Variants in DAB1 observed in about 807,000 individuals in gnomAD.
The protein encoded by DAB1 is DAB adaptor protein 1.
Under a neutral mutation model 64.6 loss-of-function variants are expected in DAB1, and 15 were observed. The ratio of observed to expected loss-of-function variants is 0.23; its 90% CI spans 0.16 to 0.36. DAB1 has a LOEUF of 0.36. DAB1 is among the 10% of genes least tolerant of loss of function. The pLI is 1.00. For synonymous variants in DAB1, 235 were observed against 251.9 expected, an observed-to-expected ratio of 0.93 and a Z score of 0.64; for missense variants, 596 against 706.7, an observed-to-expected ratio of 0.84 and a Z score of 1.78.
At chr1:57,638,903 T>C (rs1291490578) in intron 7 of DAB1, among the ~76,000 whole-genome samples, 1 of 151,946 alleles carries the variant, frequency 6.6e-6, no homozygotes, top group East Asian at 1.9e-4. Flanking sequence ...AAGAGAGGGT[T>C]CTACAGATAA....
At chr1:57,867,929 G>A (rs1173318487) in intron 1 of DAB1, among the ~76,000 whole-genome samples, 1 of 152,250 alleles carries the variant, frequency 6.6e-6, no homozygotes, top group African/African-American at 2.4e-5. Context: ...ATGGCACGGG[G>A]TGTGCTTGAG....
At chr1:58,188,444 G>C (rs1040833413) in intron 4 of DAB1, among the ~76,000 whole-genome samples, 5 of 152,088 alleles carry the variant, frequency 3.3e-5, no homozygotes, top group Non-Finnish European at 7.3e-5. Context: ...GAAGTGACTG[G>C]GTATTCAGGT....
intron 5 of DAB1, among the ~76,000 whole-genome samples, chr1:58,115,037 A>G (rs1337338409): frequency 8.0e-5 from 12 of 150,756 alleles, no homozygotes; most frequent in Admixed American, 2.7e-4. Flanking sequence ...AACTACCATC[A>G]GAGTGAACAG....
chr1:57,325,176 G>A (rs1440304327), intron 1 of DAB1, among the ~76,000 whole-genome samples: 1 of 152,238 alleles, frequency 6.6e-6, no homozygotes, highest in Non-Finnish European at 1.5e-5. Flanking sequence ...CCAGCCTGGA[G>A]CAGAAGGCAG....
intron 1 of DAB1, chr1:57,876,023 T>A (rs953228136): frequency 6.6e-6 from 1 of 152,190 alleles, no homozygotes; most frequent in South Asian, 2.1e-4. Context: ...AGCAACAGGC[T>A]TCTTGGCAGC....
chr1:58,177,923 A>T (rs1294479438), intron 4 of DAB1, among the ~76,000 whole-genome samples: 1 of 152,194 alleles, frequency 6.6e-6, no homozygotes, highest in Non-Finnish European at 1.5e-5. Context: ...CTGACATAAA[A>T]GAAGAGTGAT....
chr1:58,544,169 A>G (rs1646665521), intron 1 of DAB1, among the ~76,000 whole-genome samples: 1 of 152,250 alleles, frequency 6.6e-6, no homozygotes, highest in African/African-American at 2.4e-5. Context: ...GGTGAAATTT[A>G]TCAATTTTTA....
chr1:58,339,325 T>C (rs1039127357), intron 4 of DAB1, among the ~76,000 whole-genome samples: 7 of 152,210 alleles, frequency 4.6e-5, no homozygotes, highest in African/African-American at 1.2e-4. Context: ...AGCCCTGTTC[T>C]AGATCCTGGA....
At chr1:58,167,478 C>A (rs1399743641) in intron 4 of DAB1, among the ~76,000 whole-genome samples, 1 of 152,158 alleles carries the variant, frequency 6.6e-6, no homozygotes, top group African/African-American at 2.4e-5. Context: ...ATTGTAAATG[C>A]ACCAATCAGC....
chr1:57,996,470 T>C (rs112847123), intron 5 of DAB1, among the ~76,000 whole-genome samples: 1 of 152,186 alleles, frequency 6.6e-6, no homozygotes, highest in Non-Finnish European at 1.5e-5. Flanking sequence ...ATTTTGGAAA[T>C]TTGCCCTCAT....
chr1:57,211,221 G>A (rs1362050634), intron 2 of DAB1, among the ~76,000 whole-genome samples: 1 of 152,184 alleles, frequency 6.6e-6, no homozygotes, highest in East Asian at 1.9e-4. Context: ...CTCAGAGTTC[G>A]TTAAGGCTCT....
At chr1:57,695,372 GAAAGA>G (rs1346150194) in intron 6 of DAB1, among the ~76,000 whole-genome samples, 228 of 53,924 alleles carry the variant, frequency 4.2e-3, no homozygotes, top group South Asian at 8.9e-3. Flanking sequence ...AAGAAAGAAA[GAAAGA>G]AAGAAAGAAA....
chr1:58,220,380 C>T (rs542577758), intron 4 of DAB1, among the ~76,000 whole-genome samples: 5 of 152,272 alleles, frequency 3.3e-5, no homozygotes, highest in South Asian at 4.2e-4. Context: ...CTAACATGAC[C>T]ATGGCCATGA....
At chr1:57,011,076 T>G in intron 13 of DAB1, 69 bp downstream of exon 13, 1 of 1,588,124 alleles carries the variant, frequency 6.3e-7, no homozygotes, top group African/African-American at 1.3e-5. Context: ...CCTCATGCAT[T>G]ATCCATTTCA....
chr1:57,378,953 G>A (rs1681135089), intron 1 of DAB1, among the ~76,000 whole-genome samples: 1 of 152,150 alleles, frequency 6.6e-6, no homozygotes, highest in Non-Finnish European at 1.5e-5. Flanking sequence ...AATTGTAGTG[G>A]AGTGAAAAGA....
chr1:57,471,451 T>A (rs1375658143), intron 7 of DAB1, among the ~76,000 whole-genome samples: 1 of 152,188 alleles, frequency 6.6e-6, no homozygotes, highest in Non-Finnish European at 1.5e-5. Flanking sequence ...GATGCACATG[T>A]TTATCGGTCA....
At chr1:57,104,913 A>G (rs1407901745) in intron 4 of DAB1, among the ~76,000 whole-genome samples, 18 of 152,286 alleles carry the variant, frequency 1.2e-4, no homozygotes, top group Admixed American at 1.0e-3. Context: ...CCCCCCTTCC[A>G]GTCCTAGGCT....
At chr1:57,950,207 C>T (rs898286427) in intron 5 of DAB1, among the ~76,000 whole-genome samples, 1 of 152,052 alleles carries the variant, frequency 6.6e-6, no homozygotes, top group Non-Finnish European at 1.5e-5. Context: ...GGGTTTAATA[C>T]CTAAGTTTCT....
At chr1:58,001,550 AC>A (rs1195631204) in intron 5 of DAB1, among the ~76,000 whole-genome samples, 1 of 152,158 alleles carries the variant, frequency 6.6e-6, no homozygotes, top group Non-Finnish European at 1.5e-5. Context: ...ACGAGCCACC[AC>A]ACCCAGCTGA....
Sources: allele counts gnomAD v4.1 joint callset (sites outside exome capture counted in the v4.1 genomes callset), GRCh38; gene constraint gnomAD v4.1.1; transcripts MANE v1.5; gene names NCBI Gene and HGNC (gene_info 2026-07-23, HGNC 2026-07-21).